CRIM1: variants seen among roughly 807,000 people sequenced by gnomAD.
The protein encoded by CRIM1 is cysteine rich transmembrane BMP regulator 1, also known as cysteine-rich motor neuron 1 protein.
A neutral mutation model predicts 116.4 loss-of-function variants in CRIM1; 32 were observed. The observed-to-expected ratio is 0.27, with a 90% CI of 0.21 to 0.37. The LOEUF (loss-of-function observed/expected upper bound fraction) is 0.37. Ranked by LOEUF, CRIM1 falls within the 10% of genes least tolerant of loss-of-function variation. The pLI, the probability that CRIM1 is intolerant of heterozygous loss-of-function variation, is 1.00. For synonymous variants in CRIM1, 590 were observed against 509.2 expected (o/e 1.16, Z -2.13); for missense variants, 1,331 against 1,354.8 (o/e 0.98, Z 0.28).
At chr2:36,435,225 C>T (rs1322942064) in intron 2 of CRIM1, among the ~76,000 whole-genome samples, 2 of 152,066 alleles carry the variant, frequency 1.3e-5, no homozygotes, top group East Asian at 3.9e-4. Flanking sequence ...TGTGTTCTAC[C>T]TACTAAATTT....
intron 10 of CRIM1, chr2:36,513,292 G>A (rs146643498): frequency 4.3e-5 from 19 of 444,448 alleles, no homozygotes; most frequent in Middle Eastern, 6.0e-4. Context: ...TAAAATATGA[G>A]AAAGTACAGT....
At chr2:36,462,459 T>A (rs1677655508) in intron 4 of CRIM1, among the ~76,000 whole-genome samples, 1 of 152,088 alleles carries the variant, frequency 6.6e-6, no homozygotes, top group Non-Finnish European at 1.5e-5. Flanking sequence ...CAGTGTGGTG[T>A]GACTCCTAAC....
intron 1 of CRIM1, among the ~76,000 whole-genome samples, chr2:36,383,720 A>G (rs1670957958): frequency 6.6e-6 from 1 of 152,134 alleles, no homozygotes; most frequent in African/African-American, 2.4e-5. Context: ...GGTGGAAGAA[A>G]ATTGAAAATC....
chr2:36,443,998 T>C (rs1307613608), intron 4 of CRIM1, among the ~76,000 whole-genome samples: 1 of 152,174 alleles, frequency 6.6e-6, no homozygotes, highest in Non-Finnish European at 1.5e-5. Context: ...GGGTGAAATA[T>C]CTTGCAAACA....
chr2:36,363,258 T>G (rs1339310034), intron 1 of CRIM1, among the ~76,000 whole-genome samples: 1 of 151,432 alleles, frequency 6.6e-6, no homozygotes, highest in African/African-American at 2.4e-5. Flanking sequence ...TCTGCTTCTG[T>G]GTGTCTCAGT....
intron 5 of CRIM1, among the ~76,000 whole-genome samples, chr2:36,474,295 T>TG (rs1678784956): frequency 6.6e-6 from 1 of 152,220 alleles, no homozygotes; most frequent in Non-Finnish European, 1.5e-5. Context: ...ACCTTTTTGA[T>TG]GGTGTCCTTT....
chr2:36,415,955 C>T (rs1271443953), intron 2 of CRIM1, among the ~76,000 whole-genome samples: 1 of 152,190 alleles, frequency 6.6e-6, no homozygotes, highest in Non-Finnish European at 1.5e-5. Flanking sequence ...CGCCTGTAAT[C>T]CCAGCACTTT....
intron 14 of CRIM1, among the ~76,000 whole-genome samples, chr2:36,539,386 T>C (rs1354490446): frequency 6.6e-6 from 1 of 152,006 alleles, no homozygotes; most frequent in Non-Finnish European, 1.5e-5. Context: ...TCAGTGAGCA[T>C]GGAGGAGGTA....
At chr2:36,427,204 A>C (rs1472584669) in intron 2 of CRIM1, among the ~76,000 whole-genome samples, 1 of 151,886 alleles carries the variant, frequency 6.6e-6, no homozygotes, top group Non-Finnish European at 1.5e-5. Context: ...CTGTCTCAAA[A>C]AAAAAAAAGA....
At chr2:36,364,998 A>G (rs1251793860) in intron 1 of CRIM1, among the ~76,000 whole-genome samples, 1 of 152,156 alleles carries the variant, frequency 6.6e-6, no homozygotes, top group Non-Finnish European at 1.5e-5. Flanking sequence ...GTGGGCACAC[A>G]TTTCCTCCAA....
Position 36,546,977 on chromosome 2 carries a change from C to G in CRIM1, c.2747-7C>G. 1 of 1,533,912 alleles carries G rather than the reference C, an allele frequency of 6.5e-7. No individual in the cohort carries two copies. Among genetic ancestry groups the G allele is most frequent in the Non-Finnish European group, 8.8e-7 (1 of 1,131,560 alleles). On this transcript the variant is annotated splice_polypyrimidine_tract_variant and splice_region_variant and intron_variant, in intron 15 of 16. Transcript: ENST00000280527. The stretch of plus-strand genomic sequence containing the variant: ...GTAATAAATGCTTATAATTTTTTTT[C>G]TCCTAGATATGGGTCACCTCCAGGT...
intron 2 of CRIM1, among the ~76,000 whole-genome samples, chr2:36,436,490 T>C (rs1215283016): frequency 6.6e-6 from 1 of 152,138 alleles, no homozygotes; most frequent in African/African-American, 2.4e-5. Flanking sequence ...CTTTGAAAAA[T>C]TAAAGTAAGT....
intron 5 of CRIM1, among the ~76,000 whole-genome samples, chr2:36,475,594 G>A (rs1678914062): frequency 6.6e-6 from 1 of 152,038 alleles, no homozygotes; most frequent in African/African-American, 2.4e-5. Context: ...TAATTGCTCT[G>A]GCTAGAATTT....
chr2:36,424,935 C>T (rs908149055), intron 2 of CRIM1, among the ~76,000 whole-genome samples: 14 of 152,210 alleles, frequency 9.2e-5, no homozygotes, highest in African/African-American at 3.1e-4. Context: ...TTCCTCTATT[C>T]TCTCTTCTTG....
At chr2:36,535,879 G>A (rs1666511208) in intron 13 of CRIM1, among the ~76,000 whole-genome samples, 1 of 152,202 alleles carries the variant, frequency 6.6e-6, no homozygotes, top group Non-Finnish European at 1.5e-5. Flanking sequence ...GGTATTGCAA[G>A]TAATCTAGAG....
intron 13 of CRIM1, chr2:36,532,107 C>A: frequency 4.9e-6 from 2 of 407,704 alleles, no homozygotes; most frequent in South Asian, 1.9e-5. Context: ...CGAAGCCGAT[C>A]TAAACCAAGG....
intron 2 of CRIM1, among the ~76,000 whole-genome samples, chr2:36,412,616 A>C (rs1673300938): frequency 6.6e-6 from 1 of 152,206 alleles, no homozygotes; most frequent in African/African-American, 2.4e-5. Context: ...GATTTTTGCC[A>C]TATGACTCAT....
chr2:36,506,481 TC>T (rs532525441), intron 8 of CRIM1, among the ~76,000 whole-genome samples: 113 of 152,312 alleles, frequency 7.4e-4, no homozygotes, highest in Non-Finnish European at 1.5e-3. Flanking sequence ...CAGTGTGTTC[TC>T]CATGGAGGTT....
Position 36,513,691 on chromosome 2 carries a change from C to T in CRIM1, c.1916C>T (p.Ala639Val). 6.2e-7 allele frequency: 1 copy of T among 1,614,212 alleles called. No individual in the cohort carries two copies. Among genetic ancestry groups the T allele is most frequent in the Non-Finnish European group, 8.5e-7 (1 of 1,180,030 alleles). ...TGTCTCAATGGACGGGAAATGTGTG[C>T]CCTGATCACCTGCCCGGTGCCTGCC... ...CYCLNGREMC[A>V]LITCPVPACG... The change falls in exon 11 of 17, where the codon GCC becomes GTC. Residue 639 changes from alanine to valine, a missense_variant. Physicochemically the swap from Ala to Val is moderately conservative, Grantham distance 64. Coordinates refer to ENST00000280527, the MANE Select transcript of CRIM1 (RefSeq NM_016441.3).
Sources: allele counts gnomAD v4.1 joint callset (sites outside exome capture counted in the v4.1 genomes callset), GRCh38; gene constraint gnomAD v4.1.1; transcripts MANE v1.5; gene names NCBI Gene and HGNC (gene_info 2026-07-23, HGNC 2026-07-21).